FAM131B: variants seen among roughly 807,000 people sequenced by gnomAD.
FAM131B encodes protein FAM131B.
A neutral mutation model predicts 42.0 loss-of-function variants in FAM131B; 19 were observed. The ratio of observed to expected loss-of-function variants is 0.45; its 90% CI spans 0.32 to 0.66. The LOEUF is 0.66. Ranked by LOEUF, FAM131B falls within the 30% of genes least tolerant of loss-of-function variation. The pLI, the probability that FAM131B is intolerant of heterozygous loss-of-function variation, is 0.05. For missense variants in FAM131B, 370 were observed against 468.4 expected, an observed-to-expected ratio of 0.79 and a Z score of 1.94; for synonymous variants, 183 against 177.6, an observed-to-expected ratio of 1.03 and a Z score of -0.24.
the FAM131B span, among the ~76,000 whole-genome samples, chr7:143,376,823 A>G: frequency 6.6e-6 from 1 of 152,208 alleles, no homozygotes; most frequent in East Asian, 1.9e-4. Context: ...AATATCAGGA[A>G]AAAGATACAA....
the FAM131B span, among the ~76,000 whole-genome samples, chr7:143,371,035 T>C: frequency 6.6e-6 from 1 of 152,228 alleles, no homozygotes; most frequent in Non-Finnish European, 1.5e-5. Flanking sequence ...GGTTCTCCTC[T>C]TGACTTTCCG....
At chr7:143,380,764 C>T in the FAM131B span, 2 of 985,440 alleles carry the variant, frequency 2.0e-6, no homozygotes, top group Non-Finnish European at 2.4e-6. The surrounding 1 kb of genome is among the most constrained non-coding windows in gnomAD (Gnocchi z 5.0). Context: ...GGGAGAACGC[C>T]CCGCTCCTCA....
At chr7:143,366,791 C>G (rs564648317), upstream of FAM131B, among the ~76,000 whole-genome samples, 1 of 152,328 alleles carries the variant, frequency 6.6e-6, no homozygotes, top group South Asian at 2.1e-4. Flanking sequence ...CTCCTGACCT[C>G]AGGCGATCTG....
At chr7:143,381,580 C>T in the FAM131B span, 16 of 1,610,102 alleles carry the variant, frequency 9.9e-6, no homozygotes, top group Admixed American at 1.2e-4. Context: ...CCATGGCGGC[C>T]CCCCGCCCGT....
At chr7:143,369,137 A>G in the FAM131B span, among the ~76,000 whole-genome samples, 1 of 152,312 alleles carries the variant, frequency 6.6e-6, no homozygotes, top group Non-Finnish European at 1.5e-5. Flanking sequence ...CACCTCTCAG[A>G]TTTTTACAGT....
At position 143,357,209 on chromosome 7, in the gene FAM131B, G is replaced by A. The variant is rs1803705874; in HGVS notation, c.610+71C>T. 6 of 1,499,870 alleles carry A rather than the reference G, an allele frequency of 4.0e-6. No homozygotes were observed. The Admixed American group carries it at 1.0e-4, about 26-fold the overall frequency. The allele number at this position is 1,499,870 out of a possible 1,614,324, so 92.9% of individuals were successfully genotyped here. ...AAGGAAGTCTTAAAAGAACGGAGCT[G>A]AGTGGAGGCAGCTGAGATAGTTGGG... is the stretch of plus-strand genomic sequence containing the variant. On this transcript the variant is annotated intron_variant, in intron 6 of 6. Coordinates refer to ENST00000443739, the MANE Select transcript of FAM131B (RefSeq NM_001031690.3).
In FAM131B at chr7:143,355,880, C is replaced by G. The variant is rs944641257; in HGVS notation, c.*670G>C. On this transcript the variant is annotated 3_prime_UTR_variant, in exon 7 of 7. Coordinates refer to ENST00000443739, the MANE Select transcript of FAM131B (RefSeq NM_001031690.3). This position sits in a 1 kb window ranked among gnomAD's most constrained non-coding sequence, Gnocchi z 4.1. Reference sequence around the variant, plus strand: ...AGTGACTCTCTTGTCTCCGGGCAGGCCTTGATAGAAAGAACCACATCCGTG... The same window carrying G: ...AGTGACTCTCTTGTCTCCGGGCAGGGCTTGATAGAAAGAACCACATCCGTG... 1 of 152,896 alleles carries G rather than the reference C, an allele frequency of 6.5e-6. No individual in the cohort carries two copies. Among genetic ancestry groups the G allele is most frequent in the Non-Finnish European group, 1.5e-5 (1 of 68,630 alleles). 9.5% of individuals were successfully genotyped at this position (152,896 alleles called of 1,614,324 possible). A position where few individuals can be genotyped will look rare whatever the true frequency, so the allele number is the denominator to read the frequency against.
At chr7:143,381,771 C>T in the FAM131B span, 26 of 1,574,698 alleles carry the variant, frequency 1.7e-5, no homozygotes, top group Non-Finnish European at 2.2e-5. Flanking sequence ...CCCCCGCCGC[C>T]CCCGGAAGGT....
chr7:143,356,631 G>A lies in FAM131B; in HGVS notation c.1002C>T (p.Thr334=). The change falls in exon 7 of 7, where the codon ACC becomes ACT. Residue 334 remains threonine, a synonymous_variant. Transcript: ENST00000443739. The surrounding 1 kb of genome is among the most constrained non-coding windows in gnomAD (Gnocchi z 4.4). ...CGTCAGACACCTTCCGGCTGAGAGC[G>A]GTAGACATCTCAGGGTCTTCTCGTG... ...LSPREDPEMS[T]ALSRKVSDVT... is the part of the protein sequence containing the mutation. 17 of 1,614,030 alleles carry A rather than the reference G, an allele frequency of 1.1e-5. No homozygotes were observed. The highest frequency in any genetic ancestry group is 1.4e-5 in the Non-Finnish European group (16 of 1,179,988).
the FAM131B span, among the ~76,000 whole-genome samples, chr7:143,373,391 T>C: frequency 2.6e-5 from 4 of 152,152 alleles, no homozygotes; most frequent in Admixed American, 2.6e-4. Flanking sequence ...TGAGGGTGTG[T>C]GACCCAGGGC....
chr7:143,374,915 C>A, the FAM131B span, among the ~76,000 whole-genome samples: 1 of 152,172 alleles, frequency 6.6e-6, no homozygotes. Context: ...GCATCCTATT[C>A]CTTTCTCTTG....
the FAM131B span, among the ~76,000 whole-genome samples, chr7:143,377,237 C>A: frequency 3.3e-5 from 5 of 152,216 alleles, no homozygotes; most frequent in Admixed American, 6.5e-5. Flanking sequence ...AGATTACAGG[C>A]ATGAGCCACT....
At chr7:143,380,748 CT>C in the FAM131B span, 1 of 985,408 alleles carries the variant, frequency 1.0e-6, no homozygotes, top group Non-Finnish European at 1.2e-6. This position sits in a 1 kb window ranked among gnomAD's most constrained non-coding sequence, Gnocchi z 5.0. Flanking sequence ...CTGGGGGGTG[CT>C]GGGAGGGAGA....
At chr7:143,367,642 T>C (rs1228295154), upstream of FAM131B, among the ~76,000 whole-genome samples, 2 of 151,880 alleles carry the variant, frequency 1.3e-5, no homozygotes, top group African/African-American at 4.8e-5. Flanking sequence ...GAGGTGGAGG[T>C]TGCAGTGAGC....
the FAM131B span, chr7:143,381,560 C>T: frequency 1.2e-6 from 2 of 1,608,136 alleles, no homozygotes; most frequent in Non-Finnish European, 1.7e-6. Context: ...ACCCCAGCAG[C>T]CCGGCCCGGC....
At chr7:143,380,766 C>G in the FAM131B span, 113 of 985,392 alleles carry the variant, frequency 1.1e-4, no homozygotes, top group African/African-American at 1.8e-3. The surrounding 1 kb of genome is among the most constrained non-coding windows in gnomAD (Gnocchi z 5.0). Flanking sequence ...GAGAACGCCC[C>G]GCTCCTCACC....
chr7:143,360,261 T>C, intron 1 of FAM131B, 112 bp from the exon 2 acceptor site: 4 of 1,516,890 alleles, frequency 2.6e-6, no homozygotes, highest in Non-Finnish European at 3.5e-6. Context: ...CATTTCCTCT[T>C]ATATCCCTGC....
the FAM131B span, among the ~76,000 whole-genome samples, chr7:143,371,849 C>T: frequency 6.6e-6 from 1 of 152,102 alleles, no homozygotes; most frequent in African/African-American, 2.4e-5. Context: ...ATGTGCCTTA[C>T]ACATTGGAGG....
At chr7:143,360,369 G>C in intron 1 of FAM131B, 2 of 1,403,746 alleles carry the variant, frequency 1.4e-6, no homozygotes, top group Non-Finnish European at 1.9e-6. Context: ...GTGATGTATG[G>C]CCTTATTTGT....
Sources: gnomAD v4.1 joint callset for allele counts (sites outside exome capture counted in the v4.1 genomes callset) on GRCh38, gnomAD v4.1.1 for gene constraint, Gnocchi (gnomAD v3.1) non-coding constraint, MANE v1.5 for transcripts, NCBI Gene and HGNC (gene_info 2026-07-23, HGNC 2026-07-21) for gene names.